RBFOX1: variants seen among roughly 807,000 people sequenced by gnomAD.
RBFOX1 encodes RNA binding protein fox-1 homolog 1.
In RBFOX1, 8 loss-of-function variants were observed where a neutral mutation model predicts 57.7. The ratio of observed to expected loss-of-function variants is 0.14; its 90% CI spans 0.08 to 0.25. RBFOX1 has a LOEUF of 0.25. RBFOX1 is among the 10% of genes least tolerant of loss of function. The pLI is 1.00. For synonymous variants in RBFOX1, 326 were observed against 222.4 expected (o/e 1.47, Z -4.15); for missense variants, 611 against 548.5 (o/e 1.11, Z -1.14).
chr16:6,763,288 A>G (rs1468920579), intron 3 of RBFOX1, among the ~76,000 whole-genome samples: 1 of 151,796 alleles, frequency 6.6e-6, no homozygotes, highest in Non-Finnish European at 1.5e-5. Context: ...GTGAGAAGCA[A>G]AGTCATTGGA....
At chr16:6,938,603 G>A (rs2077772002) in intron 3 of RBFOX1, among the ~76,000 whole-genome samples, 3 of 152,102 alleles carry the variant, frequency 2.0e-5, no homozygotes, top group Admixed American at 2.0e-4. Flanking sequence ...GCTATGTGTG[G>A]TGGATTTAGT....
chr16:6,506,173 T>G (rs2096083623), intron 2 of RBFOX1, among the ~76,000 whole-genome samples: 1 of 152,162 alleles, frequency 6.6e-6, no homozygotes, highest in Non-Finnish European at 1.5e-5. Context: ...AAGAGTCTTC[T>G]GGACAACAGG....
At chr16:5,993,357 GT>G (rs2060435194) in intron 4 of RBFOX1, among the ~76,000 whole-genome samples, 1 of 97,132 alleles carries the variant, frequency 1.0e-5, no homozygotes, top group Non-Finnish European at 2.1e-5. Flanking sequence ...GTGTGTGTGT[GT>G]GTGTGTGTGT....
rs571186253 is a variant in RBFOX1 at position 6,233,468 on chromosome 16, G to A, written c.-126-83527G>A. Among the ~76,000 whole-genome samples the A allele has an allele frequency of 2.6e-5, 4 of 152,208 alleles. No homozygotes were observed. The East Asian group carries it at 7.7e-4, about 29-fold the overall frequency. ...ACAGCCTGATTATATTACCCCATAG[G>A]CAGCCTTTCAGGGACAGGGAGTTCA... On this transcript the variant is annotated intron_variant, in intron 1 of 15. Transcript: ENST00000550418.
intron 3 of RBFOX1, among the ~76,000 whole-genome samples, chr16:5,739,587 TAGA>T (rs1426634169): frequency 6.6e-6 from 1 of 152,218 alleles, no homozygotes; most frequent in Non-Finnish European, 1.5e-5. Context: ...ATTTTTCATA[TAGA>T]AGGAGAGAAA....
chr16:5,400,224 T>A (rs1182512863), intron 1 of RBFOX1, among the ~76,000 whole-genome samples: 2 of 152,066 alleles, frequency 1.3e-5, no homozygotes, highest in Non-Finnish European at 2.9e-5. Context: ...CTCGAGTAAC[T>A]GGGATTACAG....
chr16:6,649,112 G>T (rs942225686), intron 2 of RBFOX1, among the ~76,000 whole-genome samples: 11 of 152,122 alleles, frequency 7.2e-5, no homozygotes, highest in African/African-American at 2.7e-4. Flanking sequence ...CAAACCCCCT[G>T]GTAGTGAGGG....
chr16:5,892,822 T>C (rs761868590), intron 4 of RBFOX1, among the ~76,000 whole-genome samples: 4 of 152,178 alleles, frequency 2.6e-5, no homozygotes, highest in Admixed American at 2.0e-4. Flanking sequence ...CAAGGCACTG[T>C]GCAGAGTGCG....
chr16:6,983,162 A>T (rs1177644904), intron 3 of RBFOX1, among the ~76,000 whole-genome samples: 2 of 152,072 alleles, frequency 1.3e-5, no homozygotes, highest in Non-Finnish European at 2.9e-5. Context: ...TAGCAGGGAT[A>T]GCACACCAAG....
intron 4 of RBFOX1, among the ~76,000 whole-genome samples, chr16:7,466,956 A>G (rs887297279): frequency 2.0e-5 from 3 of 152,206 alleles, no homozygotes; most frequent in African/African-American, 7.2e-5. Context: ...ACATATTTAC[A>G]GAGCACCCAC....
intron 4 of RBFOX1, among the ~76,000 whole-genome samples, chr16:7,368,678 G>C (rs555604959): frequency 6.6e-6 from 1 of 151,650 alleles, no homozygotes. Context: ...TACTCAGGAG[G>C]CTGAGGCAGG....
At chr16:7,089,386 C>G (rs973031879) in intron 4 of RBFOX1, among the ~76,000 whole-genome samples, 4 of 150,678 alleles carry the variant, frequency 2.7e-5, no homozygotes, top group Admixed American at 2.6e-4. Flanking sequence ...TGAATGTTTA[C>G]AAATGCTGAT....
At chr16:5,682,660 C>G (rs943778829) in intron 3 of RBFOX1, among the ~76,000 whole-genome samples, 1 of 152,154 alleles carries the variant, frequency 6.6e-6, no homozygotes. Context: ...CCCAAAGTCT[C>G]AAAGCTGAGA....
chr16:7,555,760 T>C (rs12448943), intron 5 of RBFOX1, among the ~76,000 whole-genome samples: 44,398 of 152,008 alleles, frequency 0.29, 7,432 homozygotes, highest in Non-Finnish European at 0.38. Context: ...CTCTTCTTTG[T>C]CAAATTGTGA....
chr16:6,848,156 C>A (rs2093863336), intron 3 of RBFOX1, among the ~76,000 whole-genome samples: 1 of 151,984 alleles, frequency 6.6e-6, no homozygotes, highest in Non-Finnish European at 1.5e-5. Flanking sequence ...TGCTGTGTTA[C>A]CCCACAAGGA....
intron 4 of RBFOX1, among the ~76,000 whole-genome samples, chr16:7,446,561 G>A (rs1276016804): frequency 6.6e-6 from 1 of 152,132 alleles, no homozygotes; most frequent in East Asian, 1.9e-4. Context: ...CATACACTAA[G>A]CAGTGAGCAG....
At chr16:7,074,554 A>G (rs1462096997) in intron 4 of RBFOX1, among the ~76,000 whole-genome samples, 2 of 152,144 alleles carry the variant, frequency 1.3e-5, no homozygotes, top group Non-Finnish European at 2.9e-5. Context: ...ATTGAAAAAA[A>G]TTGAAAAAAG....
intron 3 of RBFOX1, among the ~76,000 whole-genome samples, chr16:6,972,114 C>T (rs765799273): frequency 3.0e-4 from 46 of 152,282 alleles, no homozygotes; most frequent in Middle Eastern, 6.8e-3. Flanking sequence ...AAGCACACAA[C>T]ATCTAACCAT....
intron 4 of RBFOX1, among the ~76,000 whole-genome samples, chr16:7,055,813 G>T (rs1210530790): frequency 6.6e-6 from 1 of 152,112 alleles, no homozygotes; most frequent in African/African-American, 2.4e-5. Context: ...GCTACAAAAG[G>T]AATTCACAGG....
Sources: gnomAD v4.1 joint callset for allele counts (sites outside exome capture counted in the v4.1 genomes callset) on GRCh38, gnomAD v4.1.1 for gene constraint, MANE v1.5 for transcripts, NCBI Gene and HGNC (gene_info 2026-07-23, HGNC 2026-07-21) for gene names.